The following ZNF184 variants were observed in gnomAD, a reference collection of about 807,000 sequenced individuals.
ZNF184 encodes zinc finger protein 184.
In ZNF184, 16 loss-of-function variants were observed where a neutral mutation model predicts 54.4. The ratio of observed to expected loss-of-function variants is 0.29; its 90% CI spans 0.20 to 0.45. ZNF184 has a LOEUF of 0.45. ZNF184 is among the 20% of genes least tolerant of loss of function. ZNF184 has a pLI of 1.00. For missense variants in ZNF184, 681 were observed against 888.2 expected (o/e 0.77, Z 2.97); for synonymous variants, 254 against 295.3 (o/e 0.86, Z 1.43).
At chr6:27,449,655 G>A (rs1762676947), downstream of ZNF184, among the ~76,000 whole-genome samples, 1 of 152,130 alleles carries the variant, frequency 6.6e-6, no homozygotes, top group Admixed American at 6.5e-5. Flanking sequence ...TTGGGAGGCT[G>A]AGGCAGGAGC....
the ZNF184 span, among the ~76,000 whole-genome samples, chr6:27,422,147 A>AAAAGAAAGAAAG: frequency 2.0e-5 from 1 of 49,756 alleles, no homozygotes; most frequent in African/African-American, 8.0e-5. Context: ...CCTCAAAAAA[A>AAAAGAAAGAAAG]AAAAGAAAGA....
In ZNF184 at chr6:27,452,177, A is replaced by T; in HGVS notation, c.1382T>A (p.Leu461His). 1 of 1,614,118 alleles carries T rather than the reference A, an allele frequency of 6.2e-7. No homozygotes were observed. The highest frequency in any genetic ancestry group is 8.5e-7 in the Non-Finnish European group (1 of 1,180,020). ...AGTATGAATTTTCAGGTGTTGAGCA[A>T]GGGATGACCAGTAACTAAAAGATTT... The part of the protein sequence containing the change: ...CGKSFSYWSS[L>H]AQHLKIHTGE... The change falls in exon 6 of 6, where the codon CTT becomes CAT. Residue 461 changes from leucine (L) to histidine (H), a missense_variant. Transcript: ENST00000683788. This position sits in a 1 kb window ranked among gnomAD's most constrained non-coding sequence, Gnocchi z 5.5.
chr6:27,409,148 T>A, the ZNF184 span, among the ~76,000 whole-genome samples: 1 of 152,172 alleles, frequency 6.6e-6, no homozygotes, highest in Non-Finnish European at 1.5e-5. Flanking sequence ...AAAAAGAGAC[T>A]GCATAAAATT....
the ZNF184 span, among the ~76,000 whole-genome samples, chr6:27,428,015 A>G: frequency 5.3e-5 from 8 of 152,202 alleles, no homozygotes; most frequent in Admixed American, 6.5e-5. This position sits in a 1 kb window ranked among gnomAD's most constrained non-coding sequence, Gnocchi z 4.1. Context: ...CATAGATTCT[A>G]TCTCTGAAAT....
At chr6:27,441,532 C>T in the ZNF184 span, among the ~76,000 whole-genome samples, 1 of 152,160 alleles carries the variant, frequency 6.6e-6, no homozygotes, top group Non-Finnish European at 1.5e-5. Context: ...AATCTGAATG[C>T]TGACTCTACC....
At chr6:27,421,506 C>G in the ZNF184 span, among the ~76,000 whole-genome samples, 1 of 152,104 alleles carries the variant, frequency 6.6e-6, no homozygotes, top group African/African-American at 2.4e-5. Flanking sequence ...ACATACCTCC[C>G]AATATTAGTA....
At chr6:27,441,767 T>C in the ZNF184 span, among the ~76,000 whole-genome samples, 2 of 152,236 alleles carry the variant, frequency 1.3e-5, no homozygotes, top group African/African-American at 4.8e-5. Flanking sequence ...AAATAATTGA[T>C]AGGCTGATTC....
intron 3 of ZNF184, among the ~76,000 whole-genome samples, chr6:27,467,003 A>G (rs995954323): frequency 6.6e-6 from 1 of 152,158 alleles, no homozygotes; most frequent in Non-Finnish European, 1.5e-5. Flanking sequence ...GCCATAATCC[A>G]TCTCTTCCAA....
At chr6:27,437,447 C>T in the ZNF184 span, among the ~76,000 whole-genome samples, 2 of 152,160 alleles carry the variant, frequency 1.3e-5, no homozygotes, top group African/African-American at 4.8e-5. Context: ...GGAAGTGTAT[C>T]CTGTCAATGA....
In ZNF184 at chr6:27,452,696, A is replaced by C. The variant is rs1415387225; in HGVS notation, c.863T>G (p.Ile288Ser). ...YKCDQCGKGF[I>S]EGPSLTQHQR... The stretch of plus-strand genomic sequence containing the variant: ...ATGTTGAGTAAGAGATGGACCCTCA[A>C]TGAAGCCTTTTCCACACTGATCACA... The change falls in exon 6 of 6, where the codon ATT (isoleucine) becomes AGT (serine). Residue 288 changes from isoleucine (I) to serine (S), a missense_variant. Ile to Ser is a moderately radical substitution (Grantham distance 142). Transcript: ENST00000683788. The surrounding 1 kb of genome is among the most constrained non-coding windows in gnomAD (Gnocchi z 5.5). 1.2e-6 allele frequency: 2 copies of C among 1,613,998 alleles called. No individual in the cohort carries two copies. The highest frequency in any genetic ancestry group is 1.7e-6 in the Non-Finnish European group (2 of 1,179,982).
the ZNF184 span, among the ~76,000 whole-genome samples, chr6:27,443,690 C>T: frequency 6.6e-6 from 1 of 152,110 alleles, no homozygotes; most frequent in Non-Finnish European, 1.5e-5. Flanking sequence ...ACTCTCCTCC[C>T]TTTAATACTT....
At chr6:27,460,054 C>T (rs1344199405) in intron 3 of ZNF184, among the ~76,000 whole-genome samples, 1 of 152,170 alleles carries the variant, frequency 6.6e-6, no homozygotes, top group Admixed American at 6.5e-5. Flanking sequence ...GTAGTCCCAG[C>T]TCCTCAGGAA....
At chr6:27,425,786 C>G in the ZNF184 span, among the ~76,000 whole-genome samples, 3 of 152,150 alleles carry the variant, frequency 2.0e-5, no homozygotes, top group African/African-American at 7.2e-5. Flanking sequence ...TCCCTGGGAC[C>G]CATCCTCTTC....
the ZNF184 span, among the ~76,000 whole-genome samples, chr6:27,427,099 G>C: frequency 1.7e-5 from 2 of 119,790 alleles, no homozygotes; most frequent in South Asian, 5.7e-4. Flanking sequence ...AAAGAGCCAG[G>C]TCTATAACAC....
intron 3 of ZNF184, among the ~76,000 whole-genome samples, 173 bp from the exon 4 acceptor site, chr6:27,457,582 G>A (rs1044085138): frequency 5.9e-5 from 9 of 152,134 alleles, no homozygotes; most frequent in African/African-American, 2.2e-4. Flanking sequence ...GGGTTATTGT[G>A]AGAATTAAAT....
At chr6:27,442,109 C>T in the ZNF184 span, among the ~76,000 whole-genome samples, 1,712 of 152,294 alleles carry the variant, frequency 0.011, 18 homozygotes, top group African/African-American at 0.025. Context: ...AATCTAGGCA[C>T]TGTTCCTTCA....
At chr6:27,433,602 G>C in the ZNF184 span, among the ~76,000 whole-genome samples, 1 of 152,130 alleles carries the variant, frequency 6.6e-6, no homozygotes, top group Non-Finnish European at 1.5e-5. Flanking sequence ...TTGCCCTTTT[G>C]TGTCTGGCTT....
chr6:27,442,660 C>A, the ZNF184 span, among the ~76,000 whole-genome samples: 2 of 125,364 alleles, frequency 1.6e-5, no homozygotes, highest in Admixed American at 1.9e-4. Flanking sequence ...AGAAAGAAAG[C>A]AAGCAAGAAA....
chr6:27,452,772 C>G lies in ZNF184; in HGVS notation c.787G>C (p.Glu263Gln). 6.2e-7 allele frequency: 1 copy of G among 1,613,612 alleles called. No individual in the cohort carries two copies. Among genetic ancestry groups the G allele is most frequent in the Non-Finnish European group, 8.5e-7 (1 of 1,179,882 alleles). Residue 263 changes from glutamate to glutamine, a missense_variant, in exon 6 of 6, where the codon GAA (glutamate) becomes CAA (glutamine). By Grantham distance (29) the Glu-to-Gln change is conservative. Transcript: ENST00000683788. The surrounding 1 kb of genome is among the most constrained non-coding windows in gnomAD (Gnocchi z 5.5). Reference protein sequence around the residue: ...NECEKAFSRSENLINHQRIHT... With the variant: ...NECEKAFSRSQNLINHQRIHT... ...ATTCTTTGATGGTTTATAAGGTTTT[C>G]ACTCCGGCTGAAGGCTTTTTCACAT...
Sources: allele counts gnomAD v4.1 joint callset (sites outside exome capture counted in the v4.1 genomes callset), GRCh38; gene constraint gnomAD v4.1.1; non-coding constraint Gnocchi (gnomAD v3.1); transcripts MANE v1.5; gene names NCBI Gene and HGNC (gene_info 2026-07-23, HGNC 2026-07-21).